CFAP96: variants seen among roughly 807,000 people sequenced by gnomAD.
CFAP96 encodes cilia-and flagella-associated protein 96.
chr4:185,413,908 T>C, the CFAP96 span: 1 of 1,549,110 alleles, frequency 6.5e-7, no homozygotes, highest in Non-Finnish European at 8.7e-7. Context: ...AAAGAAAAAA[T>C]GTTGGTGATT....
the CFAP96 span, among the ~76,000 whole-genome samples, chr4:185,428,111 A>T: frequency 6.6e-3 from 995 of 151,538 alleles, 12 homozygotes; most frequent in African/African-American, 0.023. Flanking sequence ...AATGGTTCTT[A>T]CTTTGGATTA....
At chr4:185,418,021 G>T in the CFAP96 span, among the ~76,000 whole-genome samples, 71 of 76,992 alleles carry the variant, frequency 9.2e-4, no homozygotes, top group African/African-American at 3.8e-3. Context: ...TCCAGCCTGG[G>T]TAAAAAGAGT....
the CFAP96 span, chr4:185,425,736 C>A: frequency 7.3e-7 from 1 of 1,378,014 alleles, no homozygotes; most frequent in Admixed American, 2.1e-5. Flanking sequence ...CCGCCCTGCC[C>A]ACGCAGCTCG....
chr4:185,415,994 A>G, the CFAP96 span: 1 of 698,622 alleles, frequency 1.4e-6, no homozygotes, highest in Non-Finnish European at 2.2e-6. Context: ...CAAGTACAGT[A>G]GTGAAAAGGG....
chr4:185,435,050 T>G, the CFAP96 span, among the ~76,000 whole-genome samples: 1 of 152,238 alleles, frequency 6.6e-6, no homozygotes. Flanking sequence ...CCCGGAACCG[T>G]AGGCATTTAA....
chr4:185,418,291 A>G, the CFAP96 span: 1 of 582,466 alleles, frequency 1.7e-6, no homozygotes, highest in South Asian at 3.0e-5. Flanking sequence ...AGTAAGACAA[A>G]CATATAACTT....
the CFAP96 span, among the ~76,000 whole-genome samples, chr4:185,427,054 G>C: frequency 7.0e-6 from 1 of 141,966 alleles, no homozygotes; most frequent in Non-Finnish European, 1.5e-5. Context: ...AACAGAGAGA[G>C]ACTCCGTCTC....
At chr4:185,446,037 C>T in the CFAP96 span, among the ~76,000 whole-genome samples, 2 of 152,072 alleles carry the variant, frequency 1.3e-5, no homozygotes, top group African/African-American at 2.4e-5. Context: ...GACGGAGTTT[C>T]TCCATGTTGG....
At chr4:185,432,002 A>G in the CFAP96 span, 8 of 1,551,570 alleles carry the variant, frequency 5.2e-6, no homozygotes, top group Non-Finnish European at 7.0e-6. Context: ...TGAGGCTGCA[A>G]GCAAAAATAA....
the CFAP96 span, chr4:185,436,403 C>A: frequency 7.4e-7 from 1 of 1,353,248 alleles, no homozygotes; most frequent in Non-Finnish European, 1.0e-6. Flanking sequence ...TTTTATTTAG[C>A]TAACTCGATA....
chr4:185,445,019 C>G, the CFAP96 span: 1 of 1,551,474 alleles, frequency 6.4e-7, no homozygotes, highest in Non-Finnish European at 8.7e-7. Context: ...TCTGCTGACC[C>G]TTATGTGGCT....
At chr4:185,423,813 TACAC>T in the CFAP96 span, among the ~76,000 whole-genome samples, 7 of 150,804 alleles carry the variant, frequency 4.6e-5, no homozygotes, top group Non-Finnish European at 5.9e-5. Flanking sequence ...CATACATATA[TACAC>T]ACACACACAC....
the CFAP96 span, among the ~76,000 whole-genome samples, chr4:185,419,818 T>C: frequency 1.2e-3 from 179 of 152,366 alleles, no homozygotes; most frequent in Non-Finnish European, 1.9e-3. Flanking sequence ...CATTCATAAA[T>C]TGATGCACAT....
At chr4:185,432,614 G>A in the CFAP96 span, among the ~76,000 whole-genome samples, 118 of 152,184 alleles carry the variant, frequency 7.8e-4, 4 homozygotes, top group East Asian at 0.022. Context: ...TATAATCCCA[G>A]CACTTTTGGA....
chr4:185,430,268 A>G, the CFAP96 span, among the ~76,000 whole-genome samples: 805 of 152,328 alleles, frequency 5.3e-3, 10 homozygotes, highest in African/African-American at 0.019. Flanking sequence ...TCTCAGTTCA[A>G]TTTTTGGATA....
At chr4:185,421,579 C>T in the CFAP96 span, among the ~76,000 whole-genome samples, 1,113 of 152,310 alleles carry the variant, frequency 7.3e-3, 11 homozygotes, top group South Asian at 0.016. Context: ...TTGCCTTCCA[C>T]CATGATTGAA....
the CFAP96 span, among the ~76,000 whole-genome samples, chr4:185,412,686 A>C: frequency 1.3e-5 from 2 of 152,170 alleles, no homozygotes; most frequent in Admixed American, 1.3e-4. Context: ...GAGCAGACAG[A>C]GTAAAAGTTA....
At chr4:185,426,184 G>T in the CFAP96 span, 2 of 431,728 alleles carry the variant, frequency 4.6e-6, no homozygotes, top group Non-Finnish European at 8.5e-6. Flanking sequence ...CCCACAGCGT[G>T]CTTGGAATGG....
At chr4:185,440,922 A>T in the CFAP96 span, among the ~76,000 whole-genome samples, 1 of 139,678 alleles carries the variant, frequency 7.2e-6, no homozygotes, top group Non-Finnish European at 1.5e-5. Flanking sequence ...TCATGAAGTA[A>T]TTATTAGTCT....
Sources: allele counts gnomAD v4.1 joint callset (sites outside exome capture counted in the v4.1 genomes callset), GRCh38; gene constraint gnomAD v4.1.1; transcripts MANE v1.5; gene names NCBI Gene and HGNC (gene_info 2026-07-23, HGNC 2026-07-21).